Variants in ACER3 observed in about 807,000 individuals in gnomAD.
ACER3 encodes the protein alkCDase 3.
A neutral mutation model predicts 48.9 loss-of-function variants in ACER3; 16 were observed. The observed-to-expected ratio is 0.33, with a 90% confidence interval of 0.22 to 0.50. The LOEUF (loss-of-function observed/expected upper bound fraction) is 0.50. ACER3 is among the 20% of genes least tolerant of loss of function. ACER3 has a pLI of 0.98. For missense variants in ACER3, 227 were observed against 326.0 expected (o/e 0.70, Z 2.34); for synonymous variants, 109 against 107.8 (o/e 1.01, Z -0.07).
chr11:76,894,034 T>C (rs1238267732), intron 1 of ACER3, among the ~76,000 whole-genome samples: 1 of 152,146 alleles, frequency 6.6e-6, no homozygotes, highest in Non-Finnish European at 1.5e-5. Context: ...CTCATGCCTA[T>C]AATTCCAGCA....
intron 3 of ACER3, among the ~76,000 whole-genome samples, chr11:76,964,203 G>A (rs1206310160): frequency 2.6e-5 from 4 of 151,394 alleles, no homozygotes; most frequent in Admixed American, 1.3e-4. Flanking sequence ...CGCCCACGGA[G>A]CCTCTCTCAC....
Position 77,025,361 on chromosome 11 carries a change from T to C in ACER3, c.*5034T>C, listed in dbSNP as rs1949534216. On this transcript the variant is annotated 3_prime_UTR_variant, in exon 11 of 11. Coordinates refer to ENST00000532485, the MANE Select transcript of ACER3 (RefSeq NM_018367.7). ...AGGCTGCGTTGTATGGCCTGCAAGG[T>C]AAGAATGGTTATTTTATTTTATTTT... The C allele has an allele frequency of 1.4e-5, 2 of 148,034 alleles. No individual in the cohort carries two copies. The highest frequency in any genetic ancestry group is 5.0e-5 in the African/African-American group (2 of 39,932). 9.2% of individuals were successfully genotyped at this position (148,034 alleles called of 1,614,324 possible).
chr11:76,863,618 C>A (rs1293483031), intron 1 of ACER3, among the ~76,000 whole-genome samples: 1 of 152,002 alleles, frequency 6.6e-6, no homozygotes, highest in Non-Finnish European at 1.5e-5. Flanking sequence ...AAAGCAAGTG[C>A]AATATTAACA....
chr11:76,896,525 C>G (rs114968019), intron 1 of ACER3, among the ~76,000 whole-genome samples: 1 of 151,974 alleles, frequency 6.6e-6, no homozygotes, highest in African/African-American at 2.4e-5. Context: ...TAGAATCCCC[C>G]CTCCAAGCTT....
chr11:76,922,543 T>A (rs1488612101), intron 1 of ACER3, among the ~76,000 whole-genome samples: 2 of 152,180 alleles, frequency 1.3e-5, no homozygotes, highest in Non-Finnish European at 2.9e-5. Flanking sequence ...CTAGGCAAAT[T>A]ACTTTATTCT....
intron 1 of ACER3, among the ~76,000 whole-genome samples, chr11:76,867,629 T>A (rs971872214): frequency 1.3e-5 from 2 of 152,026 alleles, no homozygotes; most frequent in African/African-American, 2.4e-5. Context: ...TGACATATTA[T>A]GATGAAGGGT....
intron 7 of ACER3, among the ~76,000 whole-genome samples, chr11:77,007,997 T>G (rs782368274): frequency 4.6e-5 from 7 of 152,216 alleles, no homozygotes; most frequent in Non-Finnish European, 1.0e-4. Flanking sequence ...CATTCCACAT[T>G]GTATACATAT....
At chr11:76,948,035 T>C (rs1459238681) in intron 2 of ACER3, among the ~76,000 whole-genome samples, 3 of 152,208 alleles carry the variant, frequency 2.0e-5, no homozygotes, top group Admixed American at 6.5e-5. Context: ...CTTCATGTGG[T>C]TCCTATAGGC....
intron 1 of ACER3, among the ~76,000 whole-genome samples, chr11:76,870,054 A>G (rs1003096766): frequency 2.0e-5 from 3 of 149,682 alleles, no homozygotes; most frequent in Non-Finnish European, 4.4e-5. Flanking sequence ...TAGAGATGAG[A>G]TCTTACTATG....
intron 1 of ACER3, among the ~76,000 whole-genome samples, chr11:76,913,576 C>T (rs1946442204): frequency 6.6e-6 from 1 of 152,118 alleles, no homozygotes; most frequent in African/African-American, 2.4e-5. Context: ...GAAGAACATT[C>T]CATGCTCATG....
chr11:76,887,756 A>G (rs1945706738), intron 1 of ACER3, among the ~76,000 whole-genome samples: 1 of 151,178 alleles, frequency 6.6e-6, no homozygotes, highest in Non-Finnish European at 1.5e-5. Context: ...TCTAGACATT[A>G]CCATAACTAA....
chr11:76,984,744 T>C (rs538032433), intron 4 of ACER3, among the ~76,000 whole-genome samples: 18 of 152,366 alleles, frequency 1.2e-4, no homozygotes. Context: ...GACTACTATT[T>C]TCTCCAATAA....
chr11:77,008,916 C>G (rs1949207597), intron 7 of ACER3, among the ~76,000 whole-genome samples: 1 of 151,990 alleles, frequency 6.6e-6, no homozygotes, highest in East Asian at 1.9e-4. Context: ...AAAAATTAGC[C>G]AGGTGTGGTG....
chr11:76,944,722 G>A (rs78949165), intron 2 of ACER3, among the ~76,000 whole-genome samples: 1,876 of 152,088 alleles, frequency 0.012, 21 homozygotes, highest in Non-Finnish European at 0.016. Flanking sequence ...GGGATTGCTG[G>A]ACCTCCTGAA....
At chr11:76,916,470 A>G (rs1946531834) in intron 1 of ACER3, among the ~76,000 whole-genome samples, 1 of 152,212 alleles carries the variant, frequency 6.6e-6, no homozygotes, top group South Asian at 2.1e-4. Context: ...GATCAGATTT[A>G]GTGAAAAGAG....
At chr11:76,905,395 T>G (rs1037772390) in intron 1 of ACER3, among the ~76,000 whole-genome samples, 5 of 152,166 alleles carry the variant, frequency 3.3e-5, no homozygotes, top group Admixed American at 6.5e-5. Flanking sequence ...TCATGCCAAG[T>G]CAAGGAAAGA....
intron 1 of ACER3, among the ~76,000 whole-genome samples, chr11:76,872,905 CTTTTTCTTT>C (rs1474655515): frequency 4.2e-5 from 4 of 94,576 alleles, no homozygotes; most frequent in South Asian, 3.5e-4. Context: ...TTTCTTTTTT[CTTTTTCTTT>C]TTTTTTTTTT....
chr11:76,943,217 G>T (rs1947383030), intron 2 of ACER3, among the ~76,000 whole-genome samples: 1 of 151,812 alleles, frequency 6.6e-6, no homozygotes, highest in South Asian at 2.1e-4. Context: ...GGTTTGGTTT[G>T]TTCTTGTTTT....
At chr11:76,902,051 T>G (rs1190761923) in intron 1 of ACER3, among the ~76,000 whole-genome samples, 1 of 152,020 alleles carries the variant, frequency 6.6e-6, no homozygotes, top group African/African-American at 2.4e-5. Flanking sequence ...TTGTGGCATT[T>G]TTTTTTTCCA....
Sources: allele counts gnomAD v4.1 joint callset (sites outside exome capture counted in the v4.1 genomes callset), GRCh38; gene constraint gnomAD v4.1.1; transcripts MANE v1.5; gene names NCBI Gene and HGNC (gene_info 2026-07-23, HGNC 2026-07-21).